CNTNAP2: variants seen among roughly 807,000 people sequenced by gnomAD.
CNTNAP2 encodes contactin associated protein 2, also known as contactin-associated protein-like 2.
Under a neutral mutation model 155.2 loss-of-function variants are expected in CNTNAP2, and 98 were observed. The observed-to-expected ratio is 0.63, with a 90% CI of 0.54 to 0.75. The LOEUF (loss-of-function observed/expected upper bound fraction) is 0.75, where lower values mean the gene tolerates loss of function less well. Ranked by LOEUF, CNTNAP2 falls within the 30% of genes least tolerant of loss-of-function variation. The pLI is 0.00. For synonymous variants in CNTNAP2, 651 were observed against 631.2 expected, an observed-to-expected ratio of 1.03 and a Z score of -0.47; for missense variants, 1,727 against 1,688.1, an observed-to-expected ratio of 1.02 and a Z score of -0.40.
At chr7:147,336,891 C>T (rs1439945007) in intron 9 of CNTNAP2, among the ~76,000 whole-genome samples, 1 of 151,938 alleles carries the variant, frequency 6.6e-6, no homozygotes, top group Non-Finnish European at 1.5e-5. Context: ...TGGAAATTCC[C>T]TCTCAATTCC....
chr7:148,338,505 A>G (rs1376813060), intron 21 of CNTNAP2, among the ~76,000 whole-genome samples: 2 of 150,452 alleles, frequency 1.3e-5, no homozygotes, highest in African/African-American at 2.4e-5. Flanking sequence ...CTTACCCACT[A>G]TCCTTTGCAA....
intron 11 of CNTNAP2, among the ~76,000 whole-genome samples, chr7:147,515,587 C>T (rs1343014216): frequency 6.6e-6 from 1 of 152,054 alleles, no homozygotes; most frequent in Non-Finnish European, 1.5e-5. Flanking sequence ...TCCCAAAGTG[C>T]TGGGATTACA....
At chr7:147,537,276 A>G (rs1799559303) in intron 11 of CNTNAP2, among the ~76,000 whole-genome samples, 1 of 119,848 alleles carries the variant, frequency 8.3e-6, no homozygotes, top group Admixed American at 8.1e-5. Flanking sequence ...ACAGTGGTAA[A>G]TTAAATTATT....
intron 1 of CNTNAP2, among the ~76,000 whole-genome samples, chr7:146,643,103 G>A (rs1282739059): frequency 2.7e-5 from 4 of 148,182 alleles, no homozygotes; most frequent in African/African-American, 1.0e-4. Context: ...CTCCCATTTT[G>A]TAGGTTGCCT....
In CNTNAP2 at chr7:148,415,781, A is replaced by AC. The variant is rs1202078576; in HGVS notation, c.*165_*166insC. On this transcript the variant is annotated 3_prime_UTR_variant, in exon 24 of 24. Transcript: ENST00000361727. The stretch of plus-strand genomic sequence containing the variant: ...ATGGAATATTCTTGAGACTGATCAC[A>AC]AAAAAAAAAACCTTTTTAATATTTC... The AC allele has an allele frequency of 1.6e-5, 8 of 497,068 alleles. No individual in the cohort carries two copies. In the Admixed American group the frequency reaches 1.7e-4, roughly 11 times the overall value. The allele number at this position is 497,068 out of a possible 1,614,324, so 30.8% of individuals were successfully genotyped here. A position where few individuals can be genotyped will look rare whatever the true frequency, so the allele number is the denominator to read the frequency against.
Position 148,217,299 on chromosome 7 carries a change from T to C in CNTNAP2, c.3022T>C (p.Phe1008Leu). Reference protein sequence around the residue: ...GTFCNKDVGAFFEEGMWLRYN... With the variant: ...GTFCNKDVGALFEEGMWLRYN... ...CTCCTTTATAACAGATGTTGGTGCA[T>C]TTTTTGAAGAAGGGATGTGGCTACG... The change falls in exon 19 of 24, where the codon TTT (phenylalanine) becomes CTT (leucine). Residue 1008 changes from phenylalanine to leucine, a missense_variant. Coordinates refer to ENST00000361727, the MANE Select transcript of CNTNAP2 (RefSeq NM_014141.6). 6.2e-7 allele frequency: 1 copy of C among 1,614,048 alleles called. No homozygotes were observed. Among genetic ancestry groups the C allele is most frequent in the Non-Finnish European group, 8.5e-7 (1 of 1,179,958 alleles).
intron 1 of CNTNAP2, among the ~76,000 whole-genome samples, chr7:146,473,752 T>C (rs1186604407): frequency 6.6e-6 from 1 of 152,212 alleles, no homozygotes; most frequent in Non-Finnish European, 1.5e-5. Context: ...TTTTGTATGT[T>C]TTTCCCCCCA....
chr7:147,081,647 G>A (rs1057457663), intron 4 of CNTNAP2: 1 of 150,848 alleles, frequency 6.6e-6, no homozygotes, highest in Non-Finnish European at 1.5e-5. Flanking sequence ...TAGAGATGGG[G>A]TTTCACCATA....
chr7:147,912,432 G>C (rs567271432), intron 14 of CNTNAP2, among the ~76,000 whole-genome samples: 8 of 152,140 alleles, frequency 5.3e-5, no homozygotes, highest in Admixed American at 2.0e-4. Flanking sequence ...TACTCTGCCA[G>C]CTGCAGCTGT....
chr7:147,640,205 A>T (rs1003415291), intron 13 of CNTNAP2, among the ~76,000 whole-genome samples: 3 of 152,138 alleles, frequency 2.0e-5, no homozygotes, highest in African/African-American at 7.2e-5. Flanking sequence ...TCAAACTAAC[A>T]TATGCCTTGC....
intron 3 of CNTNAP2, among the ~76,000 whole-genome samples, chr7:146,872,169 T>C (rs1346981199): frequency 1.5e-5 from 2 of 130,088 alleles, no homozygotes; most frequent in African/African-American, 5.4e-5. Context: ...TGAATTTTTT[T>C]TTTTTTTTTT....
intron 12 of CNTNAP2, among the ~76,000 whole-genome samples, chr7:147,612,004 A>C (rs1180987040): frequency 1.3e-5 from 2 of 152,214 alleles, no homozygotes; most frequent in African/African-American, 2.4e-5. Context: ...ACTATCTATA[A>C]ATATATGGTC....
At position 147,794,376 on chromosome 7, in the gene CNTNAP2, T is replaced by C. The variant is rs146102076; in HGVS notation, c.2099-109189T>C. ...TTCTATCATTAAAGGGTGTTGAATT[T>C]AGTCAAATGCTTTTTCTGTATTTAT... is the stretch of plus-strand genomic sequence containing the variant. On this transcript the variant is annotated intron_variant, in intron 13 of 23. Transcript: ENST00000361727. 2.2e-3 allele frequency among the ~76,000 whole-genome samples: 339 copies of C among 152,136 alleles called. 1 individual carries two copies. Among genetic ancestry groups the C allele is most frequent in the African/African-American group, 7.7e-3 (319 of 41,566 alleles).
At chr7:147,427,871 A>G (rs548113188) in intron 10 of CNTNAP2, among the ~76,000 whole-genome samples, 1 of 152,194 alleles carries the variant, frequency 6.6e-6, no homozygotes, top group Non-Finnish European at 1.5e-5. Flanking sequence ...CTGTTTGTTT[A>G]TGATGGCTTT....
At chr7:147,678,607 A>G (rs1195726171) in intron 13 of CNTNAP2, among the ~76,000 whole-genome samples, 1 of 151,790 alleles carries the variant, frequency 6.6e-6, no homozygotes, top group African/African-American at 2.4e-5. Flanking sequence ...AAGGGGATTC[A>G]TTTGCCTGCA....
chr7:147,296,474 T>A (rs1315101396), intron 8 of CNTNAP2, among the ~76,000 whole-genome samples: 1 of 152,196 alleles, frequency 6.6e-6, no homozygotes, highest in East Asian at 1.9e-4. Flanking sequence ...TACAAGAGAT[T>A]GTATCTGTGT....
chr7:147,518,408 G>A (rs905004284), intron 11 of CNTNAP2, among the ~76,000 whole-genome samples: 31 of 152,256 alleles, frequency 2.0e-4, no homozygotes, highest in African/African-American at 7.5e-4. Context: ...GAAGGAGACA[G>A]GCAAGATGCT....
At chr7:147,416,719 G>T (rs1415448109) in intron 10 of CNTNAP2, among the ~76,000 whole-genome samples, 1 of 152,206 alleles carries the variant, frequency 6.6e-6, no homozygotes, top group Non-Finnish European at 1.5e-5. Context: ...TGGGAGGGCT[G>T]CTGTTCTTCT....
At chr7:146,127,645 G>A (rs750444676) in intron 1 of CNTNAP2, among the ~76,000 whole-genome samples, 1 of 152,162 alleles carries the variant, frequency 6.6e-6, no homozygotes, top group Non-Finnish European at 1.5e-5. Context: ...GGGTGATCAC[G>A]TGCCTTTAAA....
Sources: allele counts gnomAD v4.1 joint callset (sites outside exome capture counted in the v4.1 genomes callset), GRCh38; gene constraint gnomAD v4.1.1; transcripts MANE v1.5; gene names NCBI Gene and HGNC (gene_info 2026-07-23, HGNC 2026-07-21).